Variants in CALY observed in about 807,000 individuals in gnomAD.
CALY encodes calcyon neuron specific vesicular protein.
In CALY, 15 loss-of-function variants were observed where a neutral mutation model predicts 20.2. The ratio of observed to expected loss-of-function variants is 0.74; its 90% CI spans 0.50 to 1.14. The LOEUF is 1.14. Among genes scored for constraint, CALY ranks in the 50% most tolerant of loss-of-function variants. The pLI, the probability that CALY is intolerant of heterozygous loss-of-function variation, is 0.00. For synonymous variants in CALY, 129 were observed against 131.8 expected (o/e 0.98, Z 0.15); for missense variants, 270 against 304.4 (o/e 0.89, Z 0.84).
chr10:133,336,495 T>C (rs1383677255), intron 1 of CALY, among the ~76,000 whole-genome samples: 2 of 151,760 alleles, frequency 1.3e-5, no homozygotes, highest in Non-Finnish European at 2.9e-5. Flanking sequence ...CCTCCCCACC[T>C]CGGAGACACC....
Position 133,324,217 on chromosome 10 carries a change from T to A in CALY, c.*1378A>T. On this transcript the variant is annotated 3_prime_UTR_variant, in exon 6 of 6. Transcript: ENST00000252939. Reference sequence around the variant, plus strand: ...TCAGTTCTGCGTGTGCTTGTTCATCTGGCCAATGCCCTTAGAAGCCCAGCA... The same window carrying A: ...TCAGTTCTGCGTGTGCTTGTTCATCAGGCCAATGCCCTTAGAAGCCCAGCA... 2 of 379,242 alleles carry A rather than the reference T, an allele frequency of 5.3e-6. No individual in the cohort carries two copies. The highest frequency in any genetic ancestry group is 1.1e-5 in the Non-Finnish European group (2 of 184,796). 23.5% of individuals were successfully genotyped at this position (379,242 alleles called of 1,614,324 possible). A position where few individuals can be genotyped will look rare whatever the true frequency, so the allele number is the denominator to read the frequency against.
intron 1 of CALY, among the ~76,000 whole-genome samples, chr10:133,336,168 C>T (rs1033157627): frequency 6.6e-6 from 1 of 152,170 alleles, no homozygotes; most frequent in Non-Finnish European, 1.5e-5. Flanking sequence ...GTGGCTGCCC[C>T]GCTTATTAAA....
Position 133,325,191 on chromosome 10 carries a change from A to C in CALY, c.*404T>G, listed in dbSNP as rs1848182653. ...CCCCTGGGTGGGCCGGAGCCCCGCC[A>C]TTAAGGCACATCCCGGTGGGGCTTG... On this transcript the variant is annotated 3_prime_UTR_variant, in exon 6 of 6. Coordinates refer to ENST00000252939, the MANE Select transcript of CALY (RefSeq NM_015722.4). 1 of 153,068 alleles carries C rather than the reference A, an allele frequency of 6.5e-6. No homozygotes were observed. Among genetic ancestry groups the C allele is most frequent in the Non-Finnish European group, 1.5e-5 (1 of 68,684 alleles). 9.5% of individuals were successfully genotyped at this position (153,068 alleles called of 1,614,324 possible).
chr10:133,334,142 G>GATC (rs1248448276), intron 1 of CALY, among the ~76,000 whole-genome samples: 1 of 51,316 alleles, frequency 1.9e-5, no homozygotes. Flanking sequence ...GAGGGGGGAA[G>GATC]GCTCTGAAGG....
At chr10:133,336,457 AGCT>A (rs1848445575) in intron 1 of CALY, among the ~76,000 whole-genome samples, 1 of 151,512 alleles carries the variant, frequency 6.6e-6, no homozygotes, top group Non-Finnish European at 1.5e-5. Flanking sequence ...CGGCGGACAG[AGCT>A]GGGCGGGAGC....
chr10:133,330,870 C>T (rs1848294854), intron 1 of CALY, among the ~76,000 whole-genome samples: 1 of 151,922 alleles, frequency 6.6e-6, no homozygotes, highest in South Asian at 2.1e-4. Context: ...CGGAGAGGAG[C>T]TCACAGGCCA....
At chr10:133,333,321 G>A (rs1260595665) in intron 1 of CALY, among the ~76,000 whole-genome samples, 4 of 106,944 alleles carry the variant, frequency 3.7e-5, no homozygotes, top group Admixed American at 9.3e-5. Flanking sequence ...CGAGGGGTGA[G>A]GGATCCAAGG....
At chr10:133,326,281 C>T in intron 4 of CALY, 161 bp from the exon 5 acceptor site, 1 of 1,550,428 alleles carries the variant, frequency 6.4e-7, no homozygotes, top group Non-Finnish European at 8.7e-7. Flanking sequence ...ACTCAGGGCC[C>T]TGGAGGGGCA....
intron 1 of CALY, among the ~76,000 whole-genome samples, chr10:133,335,528 T>TG (rs1392669536): frequency 2.6e-5 from 4 of 152,074 alleles, no homozygotes; most frequent in Admixed American, 6.5e-5. Context: ...AAAAAGCCAT[T>TG]GGGGGCCCAC....
At position 133,326,989 on chromosome 10, in the gene CALY, C is replaced by T; in HGVS notation, c.249G>A (p.Leu83=). Residue 83 remains leucine (L), a splice_region_variant and synonymous_variant, in exon 4 of 6, where the codon CTG becomes CTA. Coordinates refer to ENST00000252939, the MANE Select transcript of CALY (RefSeq NM_015722.4). ...NCSHPEEGRR[L]PTARMIAFAM... Reference sequence around the variant, plus strand: ...CGAAGGCGATCATCCGTGCGGTGGGCAGCTGGCAGGAGGGCAGAGAGGGGC... The same window carrying T: ...CGAAGGCGATCATCCGTGCGGTGGGTAGCTGGCAGGAGGGCAGAGAGGGGC... The T allele has an allele frequency of 6.2e-7, 1 of 1,604,186 alleles. No homozygotes were observed.
intron 1 of CALY, among the ~76,000 whole-genome samples, chr10:133,336,550 G>C (rs1384772877): frequency 1.3e-5 from 2 of 152,160 alleles, no homozygotes; most frequent in African/African-American, 2.4e-5. Flanking sequence ...CCGCCGTCAC[G>C]GGAAGCCTGG....
chr10:133,331,256 G>A (rs1848301738), intron 1 of CALY, among the ~76,000 whole-genome samples: 1 of 152,178 alleles, frequency 6.6e-6, no homozygotes, highest in Non-Finnish European at 1.5e-5. Context: ...ACAAGTTATG[G>A]TGCTGGAGGT....
At chr10:133,326,195 T>A (rs368700428) in intron 4 of CALY, 75 bp from the exon 5 acceptor site, 12 of 1,557,984 alleles carry the variant, frequency 7.7e-6, no homozygotes, top group Non-Finnish European at 1.0e-5. Context: ...CTCCCGCTTC[T>A]GCGGTTGGGG....
chr10:133,325,878 C>T lies in CALY; in HGVS notation c.603G>A (p.Lys201=). 1 of 1,254,796 alleles carries T rather than the reference C, an allele frequency of 8.0e-7. No individual in the cohort carries two copies. Among genetic ancestry groups the T allele is most frequent in the Non-Finnish European group, 1.0e-6 (1 of 1,001,728 alleles). The allele number at this position is 1,254,796 out of a possible 1,614,324, so 77.7% of individuals were successfully genotyped here. ...TCCCGGCCGCCTTCCGCGCCGCCTC[C>T]TTCTCCGCCTTGGCCGACGGCTTCC... The part of the protein sequence containing the change: ...PPGKPSAKAE[K]EAARKAAGSA... Residue 201 remains lysine (K), a synonymous_variant, in exon 5 of 6, where the codon AAG becomes AAA. Transcript: ENST00000252939.
intron 2 of CALY, 34 bp from the exon 3 acceptor site, chr10:133,328,049 A>G: frequency 7.2e-7 from 1 of 1,383,292 alleles, no homozygotes; most frequent in East Asian, 2.4e-5. Flanking sequence ...CTCAGTAGGC[A>G]GCTGGCAGGG....
At chr10:133,330,493 T>TA (rs553352030) in intron 1 of CALY, among the ~76,000 whole-genome samples, 2 of 138,148 alleles carry the variant, frequency 1.4e-5, no homozygotes, top group Non-Finnish European at 1.5e-5. Context: ...CCGTCTCTAC[T>TA]AAAAAATACA....
chr10:133,328,798 A>G, intron 2 of CALY, 57 bp downstream of exon 2: 1 of 1,488,786 alleles, frequency 6.7e-7, no homozygotes, highest in Non-Finnish European at 9.0e-7. Flanking sequence ...CTCACCCCAC[A>G]CCCCTTTGTT....
At chr10:133,333,375 G>C (rs1246979011) in intron 1 of CALY, among the ~76,000 whole-genome samples, 1 of 134,028 alleles carries the variant, frequency 7.5e-6, no homozygotes, top group African/African-American at 2.7e-5. Flanking sequence ...TGGGGGTGGG[G>C]TGGAGGGGAG....
At chr10:133,329,062 C>T (rs951204362) in intron 1 of CALY, 53 bp from the exon 2 acceptor site, 61 of 1,436,088 alleles carry the variant, frequency 4.2e-5, no homozygotes, top group East Asian at 7.6e-5. Context: ...TGGATGCCCA[C>T]GCCAGCTGGC....
Sources: allele counts gnomAD v4.1 joint callset (sites outside exome capture counted in the v4.1 genomes callset), GRCh38; gene constraint gnomAD v4.1.1; transcripts MANE v1.5; gene names NCBI Gene and HGNC (gene_info 2026-07-23, HGNC 2026-07-21).